PCDHA4: variants seen among roughly 807,000 people sequenced by gnomAD.
The protein encoded by PCDHA4 is protocadherin alpha 4, also known as protocadherin alpha-4.
In PCDHA4, 49 loss-of-function variants were observed where a neutral mutation model predicts 61.4. The ratio of observed to expected loss-of-function variants is 0.80; its 90% CI spans 0.63 to 1.01. The LOEUF is 1.01. Among genes scored for constraint, PCDHA4 ranks in the 50% least tolerant of loss-of-function variants. The pLI is 0.00. For synonymous variants in PCDHA4, 590 were observed against 550.3 expected (o/e 1.07, Z -1.01); for missense variants, 1,254 against 1,235.8 (o/e 1.01, Z -0.22).
chr5:140,880,318 A>G (rs2058303482), intron 1 of PCDHA4, among the ~76,000 whole-genome samples: 1 of 152,268 alleles, frequency 6.6e-6, no homozygotes, highest in Admixed American at 6.5e-5. Context: ...CAAGTAAAAA[A>G]TAAGATACTA....
At chr5:140,943,729 A>C (rs1215938127) in intron 1 of PCDHA4, among the ~76,000 whole-genome samples, 2 of 152,256 alleles carry the variant, frequency 1.3e-5, no homozygotes, top group Non-Finnish European at 2.9e-5. Context: ...TGAGAGAATG[A>C]AAGTCCACAG....
At chr5:140,897,050 G>C (rs1269082503) in intron 1 of PCDHA4, among the ~76,000 whole-genome samples, 1 of 152,014 alleles carries the variant, frequency 6.6e-6, no homozygotes, top group African/African-American at 2.4e-5. Flanking sequence ...CTATTCTGCT[G>C]TCAAATACTA....
At chr5:140,991,422 T>G (rs140209692) in intron 3 of PCDHA4, among the ~76,000 whole-genome samples, 7 of 152,330 alleles carry the variant, frequency 4.6e-5, no homozygotes, top group Admixed American at 1.3e-4. Context: ...TATAACAAAT[T>G]AACCATAAAC....
At chr5:140,829,633 C>G in intron 1 of PCDHA4, 1 of 1,612,272 alleles carries the variant, frequency 6.2e-7, no homozygotes, top group Non-Finnish European at 8.5e-7. Context: ...ACGCGGAGAG[C>G]GGCAAGGTGT....
intron 1 of PCDHA4, chr5:140,859,610 T>C (rs2045934130): frequency 6.2e-6 from 1 of 161,780 alleles, no homozygotes; most frequent in African/African-American, 2.4e-5. Context: ...CTTTTTTCTT[T>C]CCTTTCTCTT....
At position 141,011,371 on chromosome 5, in the gene PCDHA4, G is replaced by A. The variant is rs782444449; in HGVS notation, c.*1434G>A. 6.5e-6 allele frequency: 1 copy of A among 153,724 alleles called. No homozygotes were observed. The highest frequency in any genetic ancestry group is 1.5e-5 in the Non-Finnish European group (1 of 68,022). 9.5% of individuals were successfully genotyped at this position (153,724 alleles called of 1,614,324 possible). On this transcript the variant is annotated 3_prime_UTR_variant, in exon 4 of 4. Transcript: ENST00000530339. ...CTCCCATATGTATGCTGTATGCTAT[G>A]CTAAGACTCCTGAAATATACTTACT...
chr5:140,969,404 G>A (rs1345885868), intron 1 of PCDHA4: 2 of 1,577,250 alleles, frequency 1.3e-6, no homozygotes, highest in Admixed American at 1.9e-5. Context: ...CTGTGATTTG[G>A]CTTTATTGAG....
intron 1 of PCDHA4, chr5:140,883,809 G>A (rs781801106): frequency 6.2e-7 from 1 of 1,612,420 alleles, no homozygotes; most frequent in East Asian, 2.2e-5. Context: ...CACGCGGAGA[G>A]CGGCAAGGTG....
chr5:140,858,817 G>A (rs1212820522), intron 1 of PCDHA4: 1 of 345,356 alleles, frequency 2.9e-6, no homozygotes, highest in Non-Finnish European at 5.3e-6. Context: ...TGATTTGATT[G>A]TATTTGCATT....
rs782803893 is a variant in PCDHA4, at chr5:140,927,898, C to G, written c.2386-51051C>G. 3.1e-6 allele frequency: 5 copies of G among 1,614,230 alleles called. No individual in the cohort carries two copies. In the South Asian group the frequency reaches 4.4e-5, roughly 14 times the overall value. On this transcript the variant is annotated intron_variant, in intron 1 of 3. Coordinates refer to ENST00000530339, the MANE Select transcript of PCDHA4 (RefSeq NM_018907.4). Reference sequence around the variant, plus strand: ...GGTGGAGGTGACTGACGTGAACGATCATGCCCCCGAACTGGACTTCCTGAC... The same window carrying G: ...GGTGGAGGTGACTGACGTGAACGATGATGCCCCCGAACTGGACTTCCTGAC...
chr5:140,838,683 C>T (rs1775834652), intron 1 of PCDHA4, among the ~76,000 whole-genome samples: 2 of 151,884 alleles, frequency 1.3e-5, no homozygotes, highest in Admixed American at 1.3e-4. Flanking sequence ...CACCTTTAAC[C>T]CCAACATTTC....
At chr5:140,890,829 T>A (rs1477608523) in intron 1 of PCDHA4, among the ~76,000 whole-genome samples, 1 of 152,226 alleles carries the variant, frequency 6.6e-6, no homozygotes, top group Non-Finnish European at 1.5e-5. Context: ...TGTACTTACA[T>A]ATTTACCAGT....
At chr5:140,853,825 C>A (rs1465584755) in intron 1 of PCDHA4, 1 of 986,448 alleles carries the variant, frequency 1.0e-6, no homozygotes, top group Non-Finnish European at 1.2e-6. Flanking sequence ...GATTCTCATA[C>A]AACCGAAATT....
At chr5:140,872,211 T>C (rs2053549148) in intron 1 of PCDHA4, among the ~76,000 whole-genome samples, 1 of 152,218 alleles carries the variant, frequency 6.6e-6, no homozygotes, top group South Asian at 2.1e-4. Flanking sequence ...ATTCATTATA[T>C]ATGAAACAAT....
chr5:140,900,432 C>T (rs782344144), intron 1 of PCDHA4, among the ~76,000 whole-genome samples: 1 of 152,178 alleles, frequency 6.6e-6, no homozygotes, highest in Non-Finnish European at 1.5e-5. Flanking sequence ...CACGTGCCAC[C>T]ACGGCCGGCT....
chr5:140,809,162 C>G lies in PCDHA4; in HGVS notation c.1975C>G (p.Leu659Val), dbSNP rs782482719. The change falls in exon 1 of 4, where the codon CTG becomes GTG. Residue 659 changes from leucine (L) to valine (V), a missense_variant. Transcript: ENST00000530339. ...GGTGAAGGACCACGGCGAGCCCGCGCTGACGGCCACGGCCACTGTGCTGGT... is the reference window on the plus strand; with the variant it reads ...GGTGAAGGACCACGGCGAGCCCGCGGTGACGGCCACGGCCACTGTGCTGGT... ...VLVKDHGEPA[L>V]TATATVLVSL... 1 of 1,614,004 alleles carries G rather than the reference C, an allele frequency of 6.2e-7. No individual in the cohort carries two copies.
At chr5:141,008,837 C>T (rs1460664317) in intron 3 of PCDHA4, among the ~76,000 whole-genome samples, 10 of 152,178 alleles carry the variant, frequency 6.6e-5, no homozygotes, top group South Asian at 2.1e-4. Flanking sequence ...CATCCTCTTA[C>T]GCTGTGTATT....
chr5:140,869,589 T>A, intron 1 of PCDHA4: 1 of 1,614,120 alleles, frequency 6.2e-7, no homozygotes. Context: ...ATGCTGACAT[T>A]GAAGAGAATG....
rs2150336569 is a variant in PCDHA4 at position 140,842,461 on chromosome 5, T to C, written c.2385+32889T>C. 48 of 1,613,688 alleles carry C rather than the reference T, an allele frequency of 3.0e-5. 1 individual carries two copies. Among genetic ancestry groups the C allele is most frequent in the Middle Eastern group, 3.3e-4 (2 of 6,082 alleles). On this transcript the variant is annotated intron_variant, in intron 1 of 3. Coordinates refer to ENST00000530339, the MANE Select transcript of PCDHA4 (RefSeq NM_018907.4). ...TTAGCGTGAACGACCTCGATTCAGG[T>C]GCCAACGGGCAGGTGACCTGCTCCC...
Sources: gnomAD v4.1 joint callset for allele counts (sites outside exome capture counted in the v4.1 genomes callset) on GRCh38, gnomAD v4.1.1 for gene constraint, MANE v1.5 for transcripts, NCBI Gene and HGNC (gene_info 2026-07-23, HGNC 2026-07-21) for gene names.